Variants in TADA1 observed in about 807,000 individuals in gnomAD.
TADA1 encodes the protein transcriptional adaptor 1, also known as transcriptional adapter 1.
Under a neutral mutation model 39.3 loss-of-function variants are expected in TADA1, and 23 were observed. That is an observed-to-expected ratio of 0.58 (90% CI 0.42 to 0.83). The LOEUF (loss-of-function observed/expected upper bound fraction) is 0.83. Ranked by LOEUF, TADA1 falls within the 40% of genes least tolerant of loss-of-function variation. The pLI is 0.00. For missense variants in TADA1, 352 were observed against 408.1 expected (o/e 0.86, Z 1.18); for synonymous variants, 137 against 151.8 (o/e 0.90, Z 0.72).
In TADA1 at chr1:166,858,182, G is replaced by A. The variant is rs1262732650; in HGVS notation, c.792C>T (p.Ser264=). The stretch of plus-strand genomic sequence containing the variant: ...GCAAAGATGCAGGTAGAGTGTCTCC[G>A]GAGCATGCCAGCAGGAGTGCAGCCT... The part of the protein sequence containing the change: ...EQQAALLLAC[S]GDTLPASLPP... The change falls in exon 7 of 8, where the codon TCC becomes TCT. Residue 264 remains serine (S), a synonymous_variant. Coordinates refer to ENST00000367874, the MANE Select transcript of TADA1 (RefSeq NM_053053.4). The A allele has an allele frequency of 4.3e-6, 7 of 1,614,042 alleles. No individual in the cohort carries two copies. Among genetic ancestry groups the A allele is most frequent in the East Asian group, 4.5e-5 (2 of 44,870 alleles).
intron 5 of TADA1, 91 bp downstream of exon 5, chr1:166,862,112 T>C (rs1167544241): frequency 2.4e-6 from 3 of 1,235,152 alleles, no homozygotes; most frequent in South Asian, 1.3e-5. Context: ...AGAGTGACAT[T>C]TGGATTCTTT....
At chr1:166,873,133 T>C (rs1658690992) in intron 1 of TADA1, among the ~76,000 whole-genome samples, 1 of 151,974 alleles carries the variant, frequency 6.6e-6, no homozygotes, top group South Asian at 2.1e-4. Flanking sequence ...GAGTCGGACA[T>C]GGTGGTGGGC....
chr1:166,866,970 C>G (rs376247423), intron 3 of TADA1, among the ~76,000 whole-genome samples: 2 of 152,126 alleles, frequency 1.3e-5, no homozygotes, highest in Non-Finnish European at 2.9e-5. Flanking sequence ...GTCTTGAACT[C>G]CTGACTTCAG....
At chr1:166,869,278 A>T in intron 3 of TADA1, 167 bp downstream of exon 3, 1 of 421,626 alleles carries the variant, frequency 2.4e-6, no homozygotes, top group Admixed American at 4.1e-5. Context: ...TTCTGCTTTA[A>T]AAAAAAAAAA....
intron 3 of TADA1, 107 bp from the exon 4 acceptor site, chr1:166,864,028 T>C: frequency 1.3e-6 from 1 of 797,914 alleles, no homozygotes; most frequent in Non-Finnish European, 2.0e-6. Flanking sequence ...GAAATGCAAA[T>C]AACTAATGAA....
intron 1 of TADA1, among the ~76,000 whole-genome samples, chr1:166,872,038 A>G (rs983769710): frequency 1.3e-5 from 2 of 152,216 alleles, no homozygotes; most frequent in African/African-American, 4.8e-5. Context: ...AAGAGCTAGA[A>G]CTAGCTACCA....
chr1:166,873,117 A>G (rs983380523), intron 1 of TADA1, among the ~76,000 whole-genome samples: 3 of 152,142 alleles, frequency 2.0e-5, no homozygotes, highest in African/African-American at 7.2e-5. Flanking sequence ...CTAAAAATAC[A>G]AAAATGAGTC....
At chr1:166,875,700 T>G (rs1658747936) in intron 1 of TADA1, among the ~76,000 whole-genome samples, 1 of 152,256 alleles carries the variant, frequency 6.6e-6, no homozygotes, top group African/African-American at 2.4e-5. Context: ...AGCTTACCAA[T>G]AATCCGTAGC....
rs566883326 is a variant in TADA1, at chr1:166,869,788, A to T, written c.141T>A (p.Ala47=). 6.2e-7 allele frequency: 1 copy of T among 1,613,960 alleles called. No homozygotes were observed. Among genetic ancestry groups the T allele is most frequent in the East Asian group, 2.2e-5 (1 of 44,852 alleles). The change falls in exon 2 of 8, where the codon GCT becomes GCA. Residue 47 remains alanine, a synonymous_variant. Coordinates refer to ENST00000367874, the MANE Select transcript of TADA1 (RefSeq NM_053053.4). ...KISKEEFDLE[A]HRLLTQDNVH... The stretch of plus-strand genomic sequence containing the variant: ...CATTATCCTGTGTGAGAAGTCTATG[A>T]GCTTCAAGGTCAAACTCCTCTTTGC...
At chr1:166,867,030 C>A (rs1658552344) in intron 3 of TADA1, among the ~76,000 whole-genome samples, 1 of 152,202 alleles carries the variant, frequency 6.6e-6, no homozygotes, top group Non-Finnish European at 1.5e-5. Flanking sequence ...CAGACATGAG[C>A]CACTGTGTCT....
intron 3 of TADA1, 54 bp from the exon 4 acceptor site, chr1:166,863,975 C>A: frequency 7.0e-7 from 1 of 1,427,638 alleles, no homozygotes; most frequent in Non-Finnish European, 9.5e-7. Flanking sequence ...CTGATAACTG[C>A]TAAGTTTGTT....
At position 166,857,039 on chromosome 1, in the gene TADA1, A is replaced by C. The variant is rs2101783844; in HGVS notation, c.*528T>G. Reference sequence around the variant, plus strand: ...GTGGAGTTATAGTGATAAATTTCTCAGGGGCTACCTATCGCTATTAAAATT... The same window carrying C: ...GTGGAGTTATAGTGATAAATTTCTCCGGGGCTACCTATCGCTATTAAAATT... On this transcript the variant is annotated 3_prime_UTR_variant, in exon 8 of 8. Transcript: ENST00000367874. The C allele has an allele frequency of 6.5e-6, 1 of 152,684 alleles. No homozygotes were observed. Among genetic ancestry groups the C allele is most frequent in the East Asian group, 1.9e-4 (1 of 5,192 alleles). The allele number at this position is 152,684 out of a possible 1,614,324, so 9.5% of individuals were successfully genotyped here.
At chr1:166,866,735 A>AT (rs1191872597) in intron 3 of TADA1, among the ~76,000 whole-genome samples, 3 of 149,748 alleles carry the variant, frequency 2.0e-5, no homozygotes, top group Non-Finnish European at 4.4e-5. Flanking sequence ...TTGTTTGGCA[A>AT]TTTTTTTTAT....
At chr1:166,872,276 A>G (rs1225429084) in intron 1 of TADA1, among the ~76,000 whole-genome samples, 1 of 152,188 alleles carries the variant, frequency 6.6e-6, no homozygotes, top group Non-Finnish European at 1.5e-5. Context: ...GGTGGTAATG[A>G]GTGAGAGCTC....
intron 6 of TADA1, among the ~76,000 whole-genome samples, chr1:166,858,788 C>T (rs902817859): frequency 6.6e-6 from 1 of 152,200 alleles, no homozygotes; most frequent in African/African-American, 2.4e-5. Context: ...ATAACCTACA[C>T]AATGCTGAGG....
chr1:166,857,947 A>T (rs6699788), intron 7 of TADA1, among the ~76,000 whole-genome samples, 172 bp downstream of exon 7: 1 of 152,112 alleles, frequency 6.6e-6, no homozygotes, highest in Admixed American at 6.5e-5. Flanking sequence ...GAGATAGAAG[A>T]TGGGCTCAGG....
rs780971072 is a variant in TADA1, at chr1:166,857,692, T to C, written c.883A>G (p.Thr295Ala). Residue 295 changes from threonine (T) to alanine (A), a missense_variant, in exon 8 of 8, where the codon ACT (threonine) becomes GCT (alanine). By Grantham distance (58) the Thr-to-Ala change is moderately conservative (BLOSUM62 0). Transcript: ENST00000367874. ...CTTTCAATGTTAAGAGCATAGACAG[T>C]ATGTGTAGGGATGACTTCCCTGTGC... is the stretch of plus-strand genomic sequence containing the variant. ...QVHREVIPTH[T>A]VYALNIERII... 2 of 1,614,186 alleles carry C rather than the reference T, an allele frequency of 1.2e-6. No individual in the cohort carries two copies. The highest frequency in any genetic ancestry group is 1.7e-6 in the Non-Finnish European group (2 of 1,180,022).
intron 6 of TADA1, among the ~76,000 whole-genome samples, chr1:166,859,590 G>C (rs1400182179): frequency 6.6e-6 from 1 of 152,068 alleles, no homozygotes; most frequent in Non-Finnish European, 1.5e-5. Context: ...ATAAAGGGGT[G>C]ACTCAGGACA....
At chr1:166,863,774 T>C in intron 4 of TADA1, 50 bp downstream of exon 4, 1 of 1,517,112 alleles carries the variant, frequency 6.6e-7, no homozygotes, top group South Asian at 1.1e-5. Flanking sequence ...AGTCCCAACA[T>C]GCCACTACTT....
Sources: allele counts gnomAD v4.1 joint callset (sites outside exome capture counted in the v4.1 genomes callset), GRCh38; gene constraint gnomAD v4.1.1; transcripts MANE v1.5; gene names NCBI Gene and HGNC (gene_info 2026-07-23, HGNC 2026-07-21).